PDIA5: variants seen among roughly 807,000 people sequenced by gnomAD.
The protein encoded by PDIA5 is protein disulfide isomerase family A member 5.
A neutral mutation model predicts 77.6 loss-of-function variants in PDIA5; 58 were observed. That is an observed-to-expected ratio of 0.75 (90% CI 0.61 to 0.93). PDIA5 has a LOEUF of 0.93. PDIA5 is among the 40% of genes least tolerant of loss of function. PDIA5 has a pLI of 0.00. For synonymous variants in PDIA5, 250 were observed against 252.1 expected (o/e 0.99, Z 0.08); for missense variants, 630 against 647.7 (o/e 0.97, Z 0.30).
At chr3:123,153,967 C>T (rs545570516) in intron 14 of PDIA5, among the ~76,000 whole-genome samples, 3 of 152,308 alleles carry the variant, frequency 2.0e-5, no homozygotes, top group African/African-American at 7.2e-5. Context: ...GGGAAACCCT[C>T]CCCTCAGAGC....
intron 1 of PDIA5, among the ~76,000 whole-genome samples, chr3:123,084,904 T>C (rs34478571): frequency 0.1 from 15,191 of 151,806 alleles, 1,198 homozygotes; most frequent in East Asian, 0.29. Context: ...GCCAGATGAG[T>C]CTCTACAATA....
Position 123,108,281 on chromosome 3 carries a change from CT to C in PDIA5, c.480+1457del, listed in dbSNP as rs1241360740. On this transcript the variant is annotated intron_variant, in intron 6 of 16. Transcript: ENST00000316218. ...GCCAGTATTGTCATCTTGAAGATGTCTTTTTTTTTTTTTTTTTGAGACAGAG... is the reference window on the plus strand; with the variant it reads ...GCCAGTATTGTCATCTTGAAGATGTCTTTTTTTTTTTTTTTTGAGACAGAG... 5.9e-3 allele frequency among the ~76,000 whole-genome samples: 785 copies of C among 133,666 alleles called. 1 individual carries two copies. Among genetic ancestry groups the C allele is most frequent in the African/African-American group, 0.012 (438 of 36,408 alleles). 87.7% of individuals were successfully genotyped at this position (133,666 alleles called of 152,430 possible). A position where few individuals can be genotyped will look rare whatever the true frequency, so the allele number is the denominator to read the frequency against.
At chr3:123,085,073 G>C (rs188274061) in intron 1 of PDIA5, among the ~76,000 whole-genome samples, 1 of 152,208 alleles carries the variant, frequency 6.6e-6, no homozygotes, top group Admixed American at 6.5e-5. Flanking sequence ...GCTGTGGTCT[G>C]TGTGGCTTCC....
intron 5 of PDIA5, among the ~76,000 whole-genome samples, chr3:123,103,497 T>A (rs191001746): frequency 1.3e-5 from 2 of 152,292 alleles, no homozygotes; most frequent in East Asian, 1.9e-4. Context: ...CCCTCCTGTT[T>A]CCCACACGGG....
At chr3:123,114,035 T>A (rs1934934717) in intron 7 of PDIA5, among the ~76,000 whole-genome samples, 1 of 152,132 alleles carries the variant, frequency 6.6e-6, no homozygotes, top group Non-Finnish European at 1.5e-5. Context: ...TTCCTACTCC[T>A]CCTGCATCAC....
chr3:123,067,972 C>T (rs1459152344), intron 1 of PDIA5, among the ~76,000 whole-genome samples: 1 of 152,176 alleles, frequency 6.6e-6, no homozygotes, highest in African/African-American at 2.4e-5. Flanking sequence ...AAGGAGTGGA[C>T]TCCAAGAGTA....
Position 123,110,967 on chromosome 3 carries a change from G to A in PDIA5, c.504G>A (p.Lys168=). ...SEKDFRRLLK[K]EEKPLLIMFY... ...AGGACTTCAGACGGCTCCTGAAGAAGGAAGAGAAGCCGCTCCTGATCATGT... is the reference window on the plus strand; with the variant it reads ...AGGACTTCAGACGGCTCCTGAAGAAAGAAGAGAAGCCGCTCCTGATCATGT... The change falls in exon 7 of 17, where the codon AAG becomes AAA. Residue 168 remains lysine, a synonymous_variant. Transcript: ENST00000316218. 2 of 1,614,000 alleles carry A rather than the reference G, an allele frequency of 1.2e-6. No homozygotes were observed. Among genetic ancestry groups the A allele is most frequent in the Non-Finnish European group, 8.5e-7 (1 of 1,179,900 alleles).
At chr3:123,067,843 G>A (rs1332835023) in intron 1 of PDIA5, among the ~76,000 whole-genome samples, 1 of 152,204 alleles carries the variant, frequency 6.6e-6, no homozygotes, top group African/African-American at 2.4e-5. Context: ...ATGTATCTGA[G>A]CTAGTTTCCT....
At chr3:123,155,148 G>C (rs1384106433) in intron 15 of PDIA5, 107 bp downstream of exon 15, 1 of 783,666 alleles carries the variant, frequency 1.3e-6, no homozygotes, top group African/African-American at 1.7e-5. Context: ...GCTAAGACCT[G>C]TAAGCAGGAA....
chr3:123,110,524 C>T lies in PDIA5; in HGVS notation c.481-420C>T, dbSNP rs551699713. ...ACAGCCACCCGCAGCACAACAAAAC[C>T]GCTGTGTAAGTCACAGGAAGGGGCA... On this transcript the variant is annotated intron_variant, in intron 6 of 16. Coordinates refer to ENST00000316218, the MANE Select transcript of PDIA5 (RefSeq NM_006810.4). 1.8e-4 allele frequency among the ~76,000 whole-genome samples: 27 copies of T among 152,254 alleles called. No individual in the cohort carries two copies. The South Asian group carries it at 5.4e-3, about 30-fold the overall frequency.
chr3:123,067,889 G>A (rs1479698581), intron 1 of PDIA5, among the ~76,000 whole-genome samples: 1 of 152,232 alleles, frequency 6.6e-6, no homozygotes, highest in African/African-American at 2.4e-5. Context: ...TACCCCCATA[G>A]GGTGGTTCTG....
At chr3:123,098,957 TC>T (rs1458649806) in intron 3 of PDIA5, among the ~76,000 whole-genome samples, 5 of 152,226 alleles carry the variant, frequency 3.3e-5, no homozygotes, top group African/African-American at 4.8e-5. Flanking sequence ...TCAACTCAGA[TC>T]CTTTTAAGTC....
chr3:123,161,760 C>A, intron 16 of PDIA5, 120 bp from the exon 17 acceptor site: 1 of 748,598 alleles, frequency 1.3e-6, no homozygotes, highest in Non-Finnish European at 2.3e-6. Context: ...AGAAGTCTGC[C>A]CACCTCTCCC....
At chr3:123,139,427 G>A (rs969599606) in intron 11 of PDIA5, among the ~76,000 whole-genome samples, 5 of 152,198 alleles carry the variant, frequency 3.3e-5, no homozygotes, top group African/African-American at 1.2e-4. Context: ...CTTAAACTCT[G>A]TTTGCAGAAG....
chr3:123,159,048 A>C (rs916440338), intron 15 of PDIA5, among the ~76,000 whole-genome samples: 1 of 152,232 alleles, frequency 6.6e-6, no homozygotes, highest in South Asian at 2.1e-4. Flanking sequence ...ACAAGTATAC[A>C]TTTCTAATTT....
At chr3:123,119,004 G>T (rs1387896870) in intron 8 of PDIA5, among the ~76,000 whole-genome samples, 3 of 152,194 alleles carry the variant, frequency 2.0e-5, no homozygotes, top group Non-Finnish European at 2.9e-5. Context: ...TAATCCCAGT[G>T]CTTTGGGAGG....
intron 1 of PDIA5, among the ~76,000 whole-genome samples, chr3:123,086,641 G>A (rs949724621): frequency 2.6e-5 from 4 of 152,170 alleles, no homozygotes; most frequent in Non-Finnish European, 4.4e-5. Context: ...GCTCTGTTCT[G>A]GTCTGGTTGC....
At chr3:123,154,777 C>T (rs942875640) in intron 14 of PDIA5, among the ~76,000 whole-genome samples, 194 bp from the exon 15 acceptor site, 3 of 152,222 alleles carry the variant, frequency 2.0e-5, no homozygotes, top group South Asian at 4.2e-4. Context: ...TCCTACCAGT[C>T]CCCCCTACCA....
In PDIA5 at chr3:123,150,231, C is replaced by A; in HGVS notation, c.1143-3C>A. ...GCCTCCCCACTCCCCTGGCTTCTTG[C>A]AGCCCTGAGGCCCCCCCGCCCCCAG... On this transcript the variant is annotated splice_polypyrimidine_tract_variant and splice_region_variant and intron_variant, in intron 13 of 16. Coordinates refer to ENST00000316218, the MANE Select transcript of PDIA5 (RefSeq NM_006810.4). 6.2e-7 allele frequency: 1 copy of A among 1,609,254 alleles called. No individual in the cohort carries two copies. The highest frequency in any genetic ancestry group is 8.5e-7 in the Non-Finnish European group (1 of 1,177,452).
Sources: gnomAD v4.1 joint callset for allele counts (sites outside exome capture counted in the v4.1 genomes callset) on GRCh38, gnomAD v4.1.1 for gene constraint, MANE v1.5 for transcripts, NCBI Gene and HGNC (gene_info 2026-07-23, HGNC 2026-07-21) for gene names.